The following SH3GL3 variants were observed in gnomAD, a reference collection of about 807,000 sequenced individuals.
The protein encoded by SH3GL3 is endophilin-A3.
A neutral mutation model predicts 47.7 loss-of-function variants in SH3GL3; 33 were observed. The observed-to-expected ratio is 0.69, with a 90% CI of 0.52 to 0.92. The LOEUF (loss-of-function observed/expected upper bound fraction) is 0.92, where lower values mean the gene tolerates loss of function less well. Ranked by LOEUF, SH3GL3 falls within the 40% of genes least tolerant of loss-of-function variation. The pLI is 0.00. For synonymous variants in SH3GL3, 155 were observed against 148.8 expected (o/e 1.04, Z -0.30); for missense variants, 363 against 417.8 (o/e 0.87, Z 1.14).
intron 8 of SH3GL3, 38 bp from the exon 9 acceptor site, chr15:83,618,044 G>A: frequency 1.5e-6 from 2 of 1,305,666 alleles, no homozygotes; most frequent in Non-Finnish European, 2.2e-6. Context: ...AATCCATCAT[G>A]TTCATCTGTA....
intron 1 of SH3GL3, among the ~76,000 whole-genome samples, chr15:83,555,280 T>C (rs1465426693): frequency 6.6e-6 from 1 of 152,216 alleles, no homozygotes; most frequent in Non-Finnish European, 1.5e-5. Flanking sequence ...GTTATTCCTT[T>C]ATCTATCATT....
At chr15:83,507,845 T>C (rs981100497) in intron 1 of SH3GL3, among the ~76,000 whole-genome samples, 1 of 152,208 alleles carries the variant, frequency 6.6e-6, no homozygotes, top group South Asian at 2.1e-4. Flanking sequence ...AAAATGAGTA[T>C]ATTATACGGT....
chr15:83,531,433 A>T (rs2043667674), intron 1 of SH3GL3, among the ~76,000 whole-genome samples: 1 of 152,210 alleles, frequency 6.6e-6, no homozygotes, highest in South Asian at 2.1e-4. Flanking sequence ...ACAGCATATA[A>T]AACGGCAGAA....
chr15:83,550,233 G>A (rs2044594265), intron 1 of SH3GL3, among the ~76,000 whole-genome samples: 2 of 152,146 alleles, frequency 1.3e-5, no homozygotes, highest in African/African-American at 4.8e-5. Context: ...TCAAAAGGGT[G>A]ACATTTTTGG....
chr15:83,536,990 T>C (rs1293020255), intron 1 of SH3GL3, among the ~76,000 whole-genome samples: 1 of 152,218 alleles, frequency 6.6e-6, no homozygotes, highest in African/African-American at 2.4e-5. Flanking sequence ...AATGAAGGAC[T>C]AGACCCATCA....
chr15:83,629,622 C>T, the SH3GL3 span, among the ~76,000 whole-genome samples: 9 of 152,252 alleles, frequency 5.9e-5, no homozygotes, highest in African/African-American at 1.4e-4. Flanking sequence ...GAGTTCAAGA[C>T]CAGGCTGGCC....
intron 7 of SH3GL3, among the ~76,000 whole-genome samples, chr15:83,588,365 A>T (rs1010794641): frequency 2.1e-4 from 32 of 152,184 alleles, no homozygotes; most frequent in African/African-American, 7.5e-4. Context: ...TCCTGACCTC[A>T]GGTGAGCACC....
intron 6 of SH3GL3, among the ~76,000 whole-genome samples, chr15:83,584,248 G>C (rs1436472778): frequency 6.6e-6 from 1 of 151,960 alleles, no homozygotes; most frequent in East Asian, 1.9e-4. Flanking sequence ...TCTGACCTCT[G>C]CTTCCATTGT....
chr15:83,590,571 G>A (rs1344995806), intron 8 of SH3GL3, among the ~76,000 whole-genome samples: 1 of 152,128 alleles, frequency 6.6e-6, no homozygotes, highest in Admixed American at 6.5e-5. Flanking sequence ...CCACATCCCT[G>A]CCAGCATTTG....
At chr15:83,449,268 C>T (rs116372468) in intron 1 of SH3GL3, among the ~76,000 whole-genome samples, 2,559 of 152,170 alleles carry the variant, frequency 0.017, 23 homozygotes, top group African/African-American at 0.021. Context: ...AGAGAGAAGA[C>T]CATCATGGAA....
chr15:83,570,534 GATT>G (rs1227429879), intron 4 of SH3GL3, among the ~76,000 whole-genome samples: 1 of 152,076 alleles, frequency 6.6e-6, no homozygotes, highest in Non-Finnish European at 1.5e-5. Context: ...ATTAAATTTT[GATT>G]GAGATTCATT....
chr15:83,462,082 C>G lies in SH3GL3; in HGVS notation c.45+14504C>G, dbSNP rs139050563. 3.0e-3 allele frequency among the ~76,000 whole-genome samples: 464 copies of G among 152,256 alleles called. 3 individuals carry two copies. Among genetic ancestry groups the G allele is most frequent in the Non-Finnish European group, 5.1e-3 (345 of 68,006 alleles). On this transcript the variant is annotated intron_variant, in intron 1 of 8. Coordinates refer to ENST00000427482, the MANE Select transcript of SH3GL3 (RefSeq NM_003027.5). ...AAATAGAATTACTAACAATGGAAAC[C>G]ATTCTTTTCTAAAGCGCTGTAAGCT...
chr15:83,515,416 A>T (rs1047081427), intron 1 of SH3GL3, among the ~76,000 whole-genome samples: 1 of 152,152 alleles, frequency 6.6e-6, no homozygotes, highest in Non-Finnish European at 1.5e-5. Context: ...CGAGTGCTTG[A>T]CATCACCTCA....
chr15:83,563,079 A>G (rs920129428), intron 2 of SH3GL3, among the ~76,000 whole-genome samples: 1 of 152,208 alleles, frequency 6.6e-6, no homozygotes, highest in Non-Finnish European at 1.5e-5. Context: ...GGGAACAAAT[A>G]CGATTTCAGG....
intron 8 of SH3GL3, among the ~76,000 whole-genome samples, chr15:83,591,685 T>A (rs930132561): frequency 5.9e-5 from 9 of 152,072 alleles, no homozygotes; most frequent in African/African-American, 2.2e-4. Flanking sequence ...TTTTTTATTT[T>A]ATTTATTTTT....
chr15:83,511,976 T>G (rs2042776186), intron 1 of SH3GL3, among the ~76,000 whole-genome samples: 1 of 152,168 alleles, frequency 6.6e-6, no homozygotes, highest in African/African-American at 2.4e-5. Flanking sequence ...GGATGGACAG[T>G]CACTCTCCAT....
intron 8 of SH3GL3, among the ~76,000 whole-genome samples, chr15:83,602,667 G>T (rs1008657065): frequency 7.9e-5 from 12 of 152,088 alleles, no homozygotes; most frequent in Non-Finnish European, 4.4e-5. Context: ...TAGCAAATAG[G>T]AAATACACTG....
chr15:83,630,331 A>G, the SH3GL3 span, among the ~76,000 whole-genome samples: 4 of 152,228 alleles, frequency 2.6e-5, no homozygotes, highest in African/African-American at 9.6e-5. Flanking sequence ...AAATTGATCA[A>G]TTGGACTTCA....
intron 1 of SH3GL3, chr15:83,490,795 A>G (rs576172222): frequency 1.1e-5 from 17 of 1,613,808 alleles, no homozygotes; most frequent in South Asian, 7.7e-5. Context: ...GAGCAGTGTC[A>G]TAAACATTGA....
Sources: gnomAD v4.1 joint callset for allele counts (sites outside exome capture counted in the v4.1 genomes callset) on GRCh38, gnomAD v4.1.1 for gene constraint, MANE v1.5 for transcripts, NCBI Gene and HGNC (gene_info 2026-07-23, HGNC 2026-07-21) for gene names.